The following EXD3 variants were observed in gnomAD, a reference collection of about 807,000 sequenced individuals.
EXD3 encodes exonuclease mut-7 homolog.
EXD3 carries 92 observed loss-of-function variants against 98.0 expected under a neutral mutation model. The observed-to-expected ratio is 0.94, with a 90% CI of 0.79 to 1.12. The LOEUF is 1.12. Among genes scored for constraint, EXD3 ranks in the 50% most tolerant of loss-of-function variants. The probability of loss-of-function intolerance (pLI) is 0.00; values close to 1 mark genes in which losing one functional copy is unlikely to be tolerated. For missense variants in EXD3, 1,222 were observed against 1,191.6 expected, an observed-to-expected ratio of 1.03 and a Z score of -0.38; for synonymous variants, 569 against 526.0, an observed-to-expected ratio of 1.08 and a Z score of -1.12.
intron 1 of EXD3, among the ~76,000 whole-genome samples, chr9:137,419,393 G>A (rs781537965): frequency 3.9e-5 from 6 of 152,224 alleles, no homozygotes; most frequent in Non-Finnish European, 7.3e-5. Context: ...TTTAAGGCCG[G>A]GCACGGTGGC....
intron 10 of EXD3, chr9:137,353,832 G>A (rs925264039): frequency 1.6e-5 from 16 of 986,384 alleles, no homozygotes; most frequent in African/African-American, 8.7e-5. Context: ...AGGAGGGTCC[G>A]CCTGCCCCGC....
intron 19 of EXD3, among the ~76,000 whole-genome samples, chr9:137,318,022 C>T (rs1352405075): frequency 6.6e-6 from 1 of 151,962 alleles, no homozygotes; most frequent in African/African-American, 2.4e-5. Flanking sequence ...CCTGTCTGTC[C>T]CTCTGTCTAT....
At position 137,407,181 on chromosome 9, in the gene EXD3, C is replaced by G. The variant is rs1434827896; in HGVS notation, c.-47-11777G>C. Reference sequence around the variant, plus strand: ...TCTGGGCCCCTCTGCTGGTGGAACCCGGCAGCGCCTCCTCCGTCTCAGCCG... The same window carrying G: ...TCTGGGCCCCTCTGCTGGTGGAACCGGGCAGCGCCTCCTCCGTCTCAGCCG... On this transcript the variant is annotated intron_variant, in intron 1 of 21. Coordinates refer to ENST00000340951, the MANE Select transcript of EXD3 (RefSeq NM_017820.5). The surrounding 1 kb of genome is among the most constrained non-coding windows in gnomAD (Gnocchi z 4.4). Among the ~76,000 whole-genome samples the G allele has an allele frequency of 6.6e-6, 1 of 152,172 alleles. No homozygotes were observed. Among genetic ancestry groups the G allele is most frequent in the Non-Finnish European group, 1.5e-5 (1 of 68,012 alleles).
chr9:137,373,683 T>A (rs919358305), intron 3 of EXD3, 84 bp from the exon 4 acceptor site: 22 of 1,392,400 alleles, frequency 1.6e-5, no homozygotes, highest in Middle Eastern at 1.8e-4. Context: ...AGAGGTTTTT[T>A]AAAATTTAAT....
Position 137,403,176 on chromosome 9 carries a change from A to G in EXD3, c.-47-7772T>C, listed in dbSNP as rs1433082183. Among the ~76,000 whole-genome samples, 1 of 151,842 alleles carries G rather than the reference A, an allele frequency of 6.6e-6. No individual in the cohort carries two copies. The highest frequency in any genetic ancestry group is 6.6e-5 in the Admixed American group (1 of 15,244). ...CTCTCCCCTCCATGGCAGTGTGGGG[A>G]CTGCTATGCATATCTGAAAGTGAGG... On this transcript the variant is annotated intron_variant, in intron 1 of 21. Transcript: ENST00000340951. The surrounding 1 kb of genome is among the most constrained non-coding windows in gnomAD (Gnocchi z 6.1).
chr9:137,351,165 C>G lies in EXD3; in HGVS notation c.1385-18G>C. 6.4e-7 allele frequency: 1 copy of G among 1,558,786 alleles called. No homozygotes were observed. Among genetic ancestry groups the G allele is most frequent in the Non-Finnish European group, 8.7e-7 (1 of 1,151,804 alleles). Reference sequence around the variant, plus strand: ...CCCGTAGCCTGTGGGCAGGAACCATCGTGGGAGGGGCGCCTGCAGGCAGGG... The same window carrying G: ...CCCGTAGCCTGTGGGCAGGAACCATGGTGGGAGGGGCGCCTGCAGGCAGGG... On this transcript the variant is annotated intron_variant, in intron 13 of 21. Coordinates refer to ENST00000340951, the MANE Select transcript of EXD3 (RefSeq NM_017820.5).
rs886214765 is a variant in EXD3 at position 137,351,940 on chromosome 9, G to A, written c.1173+126C>T. On this transcript the variant is annotated intron_variant, in intron 12 of 21. Coordinates refer to ENST00000340951, the MANE Select transcript of EXD3 (RefSeq NM_017820.5). ...GAACGGCTGCCCTCACAGCAGCCCT[G>A]GGGCACCTGGCGGGCTCATGCCCAG... The A allele has an allele frequency of 1.2e-5, 15 of 1,258,142 alleles. No individual in the cohort carries two copies. In the African/African-American group the frequency reaches 2.2e-4, roughly 19 times the overall value. 77.9% of individuals were successfully genotyped at this position (1,258,142 alleles called of 1,614,324 possible).
chr9:137,395,447 C>T lies in EXD3; in HGVS notation c.-47-43G>A, dbSNP rs1010198486. 6.3e-7 allele frequency: 1 copy of T among 1,583,110 alleles called. No individual in the cohort carries two copies. The highest frequency in any genetic ancestry group is 1.3e-5 in the African/African-American group (1 of 74,478). ...CAGGTGAATGCAGAGCCCACTGCAACAGGCAGCCATGCAGAGCCCACGCCC... is the reference window on the plus strand; with the variant it reads ...CAGGTGAATGCAGAGCCCACTGCAATAGGCAGCCATGCAGAGCCCACGCCC... On this transcript the variant is annotated intron_variant, in intron 1 of 21. Coordinates refer to ENST00000340951, the MANE Select transcript of EXD3 (RefSeq NM_017820.5). The surrounding 1 kb of genome is among the most constrained non-coding windows in gnomAD (Gnocchi z 6.5).
At position 137,393,952 on chromosome 9, in the gene EXD3, C is replaced by T. The variant is rs1483093645; in HGVS notation, c.55+1351G>A. ...AAGGATGTGAAGGGGCCCCGGCACC[C>T]CCTTCTCACCCTCTGCCCACAAAGC... On this transcript the variant is annotated intron_variant, in intron 2 of 21. Transcript: ENST00000340951. The surrounding 1 kb of genome is among the most constrained non-coding windows in gnomAD (Gnocchi z 4.6). 6.6e-6 allele frequency among the ~76,000 whole-genome samples: 1 copy of T among 152,162 alleles called. No homozygotes were observed. The highest frequency in any genetic ancestry group is 1.5e-5 in the Non-Finnish European group (1 of 68,000).
intron 5 of EXD3, among the ~76,000 whole-genome samples, 164 bp downstream of exon 5, chr9:137,372,741 C>T (rs1199072461): frequency 6.6e-6 from 1 of 152,208 alleles, no homozygotes; most frequent in African/African-American, 2.4e-5. Flanking sequence ...GACCCGGCAC[C>T]CCGCACACAG....
intron 19 of EXD3, among the ~76,000 whole-genome samples, chr9:137,321,465 C>T (rs1588239769): frequency 1.3e-5 from 2 of 152,174 alleles, no homozygotes; most frequent in East Asian, 3.9e-4. Context: ...GGAAGATCAC[C>T]TGAGGTCAGG....
chr9:137,358,495 C>G (rs1834903147), intron 7 of EXD3, among the ~76,000 whole-genome samples: 1 of 152,156 alleles, frequency 6.6e-6, no homozygotes, highest in African/African-American at 2.4e-5. Context: ...CCAACTGGCT[C>G]CTTGCATTTG....
chr9:137,361,745 TAA>T (rs200008533), intron 7 of EXD3, among the ~76,000 whole-genome samples: 5,666 of 124,286 alleles, frequency 0.046, 245 homozygotes, highest in African/African-American at 0.11. Context: ...GACTCTGTCT[TAA>T]AAAAAAAAAA....
At chr9:137,314,465 C>T (rs1297860501) in intron 19 of EXD3, among the ~76,000 whole-genome samples, 1 of 152,142 alleles carries the variant, frequency 6.6e-6, no homozygotes. Context: ...TTTTGGGAAG[C>T]TTTTAAAACC....
At chr9:137,318,893 C>T (rs953477910) in intron 19 of EXD3, among the ~76,000 whole-genome samples, 1 of 152,232 alleles carries the variant, frequency 6.6e-6, no homozygotes, top group South Asian at 2.1e-4. Context: ...CAGCCATGAG[C>T]GCTGTTGCTC....
At position 137,407,071 on chromosome 9, in the gene EXD3, G is replaced by C. The variant is rs11516127; in HGVS notation, c.-47-11667C>G. Among the ~76,000 whole-genome samples the C allele has an allele frequency of 0.61, 92,276 of 152,092 alleles. 28,382 individuals carry two copies. Among genetic ancestry groups the C allele is most frequent in the African/African-American group, 0.69 (28,590 of 41,510 alleles). On this transcript the variant is annotated intron_variant, in intron 1 of 21. Transcript: ENST00000340951. This position sits in a 1 kb window ranked among gnomAD's most constrained non-coding sequence, Gnocchi z 4.4. ...GCCAGCAAACCCGCCCGTTCACAGAGGCACCGGAGCGGGCGGGCGGGGGCG... is the reference window on the plus strand; with the variant it reads ...GCCAGCAAACCCGCCCGTTCACAGACGCACCGGAGCGGGCGGGCGGGGGCG...
chr9:137,403,472 G>C lies in EXD3; in HGVS notation c.-47-8068C>G, dbSNP rs1200441418. On this transcript the variant is annotated intron_variant, in intron 1 of 21. Transcript: ENST00000340951. The surrounding 1 kb of genome is among the most constrained non-coding windows in gnomAD (Gnocchi z 6.1). ...CCTGGCCCAGGGTCTCCGAGGGTCG[G>C]GGGCCGCAGGGTCTGGCAGCACCCC... 6.6e-6 allele frequency among the ~76,000 whole-genome samples: 1 copy of C among 151,962 alleles called. No homozygotes were observed. Among genetic ancestry groups the C allele is most frequent in the Non-Finnish European group, 1.5e-5 (1 of 68,000 alleles).
chr9:137,383,420 C>A, intron 2 of EXD3, 43 bp from the exon 3 acceptor site: 1 of 1,440,060 alleles, frequency 6.9e-7, no homozygotes, highest in Non-Finnish European at 9.4e-7. Flanking sequence ...GAGGCAGGTG[C>A]AGGGGCTATC....
intron 17 of EXD3, among the ~76,000 whole-genome samples, chr9:137,342,997 G>C (rs1833728027): frequency 6.6e-6 from 1 of 152,222 alleles, no homozygotes; most frequent in South Asian, 2.1e-4. Context: ...GTGGGTGCCT[G>C]TAATCCCAGC....
Sources: allele counts gnomAD v4.1 joint callset (sites outside exome capture counted in the v4.1 genomes callset), GRCh38; gene constraint gnomAD v4.1.1; non-coding constraint Gnocchi (gnomAD v3.1); transcripts MANE v1.5; gene names NCBI Gene and HGNC (gene_info 2026-07-23, HGNC 2026-07-21).